PARN: variants seen among roughly 807,000 people sequenced by gnomAD.
PARN encodes the protein poly(A)-specific ribonuclease, also known as poly(A)-specific ribonuclease PARN.
Under a neutral mutation model 102.8 loss-of-function variants are expected in PARN, and 71 were observed. That is an observed-to-expected ratio of 0.69 (90% CI 0.57 to 0.84). The LOEUF is 0.84. PARN is among the 40% of genes least tolerant of loss of function. The pLI is 0.00. For synonymous variants in PARN, 261 were observed against 252.9 expected (o/e 1.03, Z -0.30); for missense variants, 782 against 760.9 (o/e 1.03, Z -0.33).
chr16:14,541,101 G>C (rs1323980019), intron 21 of PARN, among the ~76,000 whole-genome samples: 3 of 151,452 alleles, frequency 2.0e-5, no homozygotes, highest in Admixed American at 6.6e-5. Flanking sequence ...GACCAGCCTG[G>C]ACATCATGGC....
intron 16 of PARN, 119 bp downstream of exon 16, chr16:14,584,228 A>G: frequency 1.5e-6 from 1 of 679,498 alleles, no homozygotes; most frequent in Non-Finnish European, 2.6e-6. Flanking sequence ...GTGCAAGTGA[A>G]TTCAGCCAAA....
intron 18 of PARN, among the ~76,000 whole-genome samples, chr16:14,556,075 T>C (rs191918927): frequency 6.6e-6 from 1 of 152,006 alleles, no homozygotes; most frequent in Non-Finnish European, 1.5e-5. Context: ...CCTCAAGTGA[T>C]CTACCTGCCT....
chr16:14,629,778 G>C, intron 1 of PARN, 104 bp from the exon 2 acceptor site: 1 of 883,052 alleles, frequency 1.1e-6, no homozygotes, highest in Non-Finnish European at 1.9e-6. Flanking sequence ...GCCGGAAGGG[G>C]AAAAGTCCCG....
chr16:14,614,874 A>AAAAAG (rs1567453983), intron 6 of PARN, among the ~76,000 whole-genome samples: 11 of 147,062 alleles, frequency 7.5e-5, no homozygotes, highest in African/African-American at 1.8e-4. Flanking sequence ...AAAAAAAAAA[A>AAAAAG]AAAAGAAAAG....
At chr16:14,550,968 CT>C (rs1161502367) in intron 21 of PARN, among the ~76,000 whole-genome samples, 4 of 150,438 alleles carry the variant, frequency 2.7e-5, no homozygotes, top group Admixed American at 1.3e-4. Flanking sequence ...GAATCCCCTC[CT>C]TTTTTTTTCA....
rs529605462 is a variant in PARN, at chr16:14,459,293, A to C, written c.1671-12212T>G. On this transcript the variant is annotated intron_variant, in intron 22 of 23. Transcript: ENST00000437198. ...AATATCCAATACTCTACAATAAATT[A>C]TTAGAACTGATAAGTGAGTAAGTAA... is the stretch of plus-strand genomic sequence containing the variant. Among the ~76,000 whole-genome samples the C allele has an allele frequency of 3.9e-5, 6 of 152,370 alleles. No individual in the cohort carries two copies. In the East Asian group the frequency reaches 1.2e-3, roughly 29 times the overall value.
At chr16:14,606,355 C>T (rs1338210497) in intron 10 of PARN, 129 bp downstream of exon 10, 2 of 486,756 alleles carry the variant, frequency 4.1e-6, no homozygotes, top group African/African-American at 4.0e-5. Context: ...CCGTGACTAA[C>T]CACTGCACTC....
intron 21 of PARN, among the ~76,000 whole-genome samples, chr16:14,548,872 T>C (rs956198194): frequency 6.6e-6 from 1 of 152,056 alleles, no homozygotes; most frequent in African/African-American, 2.4e-5. Flanking sequence ...AAGAATTGCC[T>C]GAACCCAGGA....
intron 11 of PARN, 68 bp downstream of exon 11, chr16:14,604,078 T>C (rs773675290): frequency 6.0e-5 from 55 of 916,922 alleles, no homozygotes; most frequent in Non-Finnish European, 9.3e-5. Flanking sequence ...TGATCTGAAA[T>C]AGACAGGAAT....
chr16:14,483,265 G>A (rs546046736), intron 21 of PARN, among the ~76,000 whole-genome samples: 50 of 152,282 alleles, frequency 3.3e-4, no homozygotes, highest in African/African-American at 1.2e-3. Context: ...ATTGCCAGTG[G>A]TGGCGATTAC....
intron 22 of PARN, among the ~76,000 whole-genome samples, chr16:14,452,603 C>T (rs535651355): frequency 1.5e-4 from 23 of 152,312 alleles, no homozygotes; most frequent in African/African-American, 5.5e-4. Flanking sequence ...TCCCAAAGTG[C>T]TGGGATTACA....
intron 18 of PARN, among the ~76,000 whole-genome samples, chr16:14,568,765 C>T (rs997792609): frequency 2.0e-5 from 3 of 151,664 alleles, no homozygotes; most frequent in East Asian, 3.9e-4. Flanking sequence ...CATGGTGGCA[C>T]GCGCCTGTAG....
At chr16:14,517,050 C>T (rs1965496238) in intron 21 of PARN, among the ~76,000 whole-genome samples, 1 of 151,984 alleles carries the variant, frequency 6.6e-6, no homozygotes, top group Non-Finnish European at 1.5e-5. Flanking sequence ...TAGTAGGGTA[C>T]CAATAGACAA....
chr16:14,521,454 C>G (rs574580375), intron 21 of PARN, among the ~76,000 whole-genome samples: 1 of 152,350 alleles, frequency 6.6e-6, no homozygotes, highest in South Asian at 2.1e-4. Flanking sequence ...CACTGAACAT[C>G]AGTTCACAGC....
At chr16:14,500,418 C>T (rs1250673689) in intron 21 of PARN, among the ~76,000 whole-genome samples, 1 of 151,894 alleles carries the variant, frequency 6.6e-6, no homozygotes, top group Non-Finnish European at 1.5e-5. Context: ...TTTTTTAAGA[C>T]AGGGTCTCAC....
At chr16:14,472,725 C>A (rs759971503) in intron 22 of PARN, among the ~76,000 whole-genome samples, 3 of 152,178 alleles carry the variant, frequency 2.0e-5, no homozygotes, top group Non-Finnish European at 4.4e-5. Flanking sequence ...CTACATCCAG[C>A]AACATTATAC....
rs535032928 is a variant in PARN at position 14,474,624 on chromosome 16, A to C, written c.1670+8014T>G. ...TCATTTAAGATGAGAAAACAGAGGCACACGCTGGGCTCTTGATGGGTATTT... is the reference window on the plus strand; with the variant it reads ...TCATTTAAGATGAGAAAACAGAGGCCCACGCTGGGCTCTTGATGGGTATTT... On this transcript the variant is annotated intron_variant, in intron 22 of 23. Coordinates refer to ENST00000437198, the MANE Select transcript of PARN (RefSeq NM_002582.4). Among the ~76,000 whole-genome samples the C allele has an allele frequency of 5.9e-5, 9 of 152,332 alleles. No individual in the cohort carries two copies. In the South Asian group the frequency reaches 1.9e-3, roughly 32 times the overall value.
At chr16:14,542,175 T>G (rs1034328722) in intron 21 of PARN, among the ~76,000 whole-genome samples, 6 of 151,994 alleles carry the variant, frequency 3.9e-5, no homozygotes, top group Non-Finnish European at 8.8e-5. Flanking sequence ...TGACTAATTT[T>G]GTTTATTTTT....
chr16:14,526,387 C>T (rs1233750941), intron 21 of PARN, among the ~76,000 whole-genome samples: 1 of 151,664 alleles, frequency 6.6e-6, no homozygotes, highest in Non-Finnish European at 1.5e-5. Context: ...CCATGTTAGC[C>T]AGGATGGTCT....
Sources: allele counts gnomAD v4.1 joint callset (sites outside exome capture counted in the v4.1 genomes callset), GRCh38; gene constraint gnomAD v4.1.1; transcripts MANE v1.5; gene names NCBI Gene and HGNC (gene_info 2026-07-23, HGNC 2026-07-21).